Variants in SNX29 observed in about 807,000 individuals in gnomAD.
SNX29 encodes the protein sorting nexin 29.
A neutral mutation model predicts 102.1 loss-of-function variants in SNX29; 78 were observed. The ratio of observed to expected loss-of-function variants is 0.76; its 90% CI spans 0.64 to 0.92. The LOEUF is 0.92. Among genes scored for constraint, SNX29 ranks in the 40% least tolerant of loss-of-function variants. The pLI is 0.00. For missense variants in SNX29, 1,280 were observed against 1,061.7 expected (o/e 1.21, Z -2.86); for synonymous variants, 580 against 414.5 (o/e 1.40, Z -4.85).
chr16:12,339,704 AAGC>A (rs2151250964), intron 15 of SNX29, among the ~76,000 whole-genome samples: 1 of 152,356 alleles, frequency 6.6e-6, no homozygotes, highest in Non-Finnish European at 1.5e-5. Flanking sequence ...TAGCAGCTCC[AAGC>A]TTATGTCCTA....
chr16:12,527,146 C>G, intron 20 of SNX29: 2 of 515,182 alleles, frequency 3.9e-6, no homozygotes, highest in Non-Finnish European at 3.8e-6. Context: ...CCACAGCCCC[C>G]TTCTCCTTCT....
intron 20 of SNX29, among the ~76,000 whole-genome samples, chr16:12,555,064 G>T (rs1397840919): frequency 6.6e-6 from 1 of 152,026 alleles, no homozygotes; most frequent in East Asian, 1.9e-4. Context: ...GCTGGTTGGA[G>T]TTGTGGGGAG....
At chr16:12,339,915 C>A (rs972764025) in intron 15 of SNX29, among the ~76,000 whole-genome samples, 1 of 152,108 alleles carries the variant, frequency 6.6e-6, no homozygotes, top group Non-Finnish European at 1.5e-5. Context: ...TGGTCAGCTT[C>A]CCCAGATCAC....
intron 13 of SNX29, among the ~76,000 whole-genome samples, chr16:12,160,024 C>G (rs921251911): frequency 2.0e-5 from 3 of 152,174 alleles, no homozygotes; most frequent in Non-Finnish European, 4.4e-5. Context: ...AGTCCCTTTC[C>G]AAAAGCGCAG....
intron 11 of SNX29, 136 bp from the exon 12 acceptor site, chr16:12,126,497 T>C (rs1596986445): frequency 1.2e-6 from 1 of 843,422 alleles, no homozygotes; most frequent in East Asian, 2.7e-5. Flanking sequence ...TAGACTGTTA[T>C]AGGAGTTATT....
chr16:12,548,751 C>G (rs746511154), intron 20 of SNX29, among the ~76,000 whole-genome samples: 1 of 152,170 alleles, frequency 6.6e-6, no homozygotes, highest in Non-Finnish European at 1.5e-5. Context: ...GTTTTCTGTG[C>G]TGAGCTCATC....
At chr16:12,136,541 G>A (rs181485443) in intron 13 of SNX29, among the ~76,000 whole-genome samples, 102 of 152,240 alleles carry the variant, frequency 6.7e-4, no homozygotes, top group African/African-American at 2.4e-3. Context: ...AGCACTGTGG[G>A]ACCCAGGTCC....
At chr16:12,279,671 C>T (rs993743135) in intron 15 of SNX29, among the ~76,000 whole-genome samples, 8 of 152,210 alleles carry the variant, frequency 5.3e-5, no homozygotes, top group African/African-American at 1.9e-4. Flanking sequence ...AGGATTCGAA[C>T]CCCTGAAAGG....
chr16:12,567,074 C>A (rs370250859), intron 20 of SNX29, among the ~76,000 whole-genome samples: 1 of 152,226 alleles, frequency 6.6e-6, no homozygotes, highest in Admixed American at 6.5e-5. Context: ...GGGAACCCTG[C>A]AGGGATCCTC....
At chr16:12,266,171 C>T (rs375803248) in intron 14 of SNX29, among the ~76,000 whole-genome samples, 12 of 152,204 alleles carry the variant, frequency 7.9e-5, no homozygotes, top group Admixed American at 1.3e-4. Flanking sequence ...GCGATCCTCC[C>T]GCCTCAGCCT....
chr16:12,413,787 C>T (rs796452067), intron 18 of SNX29, among the ~76,000 whole-genome samples: 1 of 152,298 alleles, frequency 6.6e-6, no homozygotes, highest in African/African-American at 2.4e-5. Flanking sequence ...CTTTGAGAGC[C>T]GCCTTGCTGA....
At chr16:12,081,879 A>G (rs891157983) in intron 11 of SNX29, 4 of 152,756 alleles carry the variant, frequency 2.6e-5, no homozygotes, top group African/African-American at 9.7e-5. Context: ...GGTCCTATGC[A>G]AAGGCAAGAA....
At chr16:12,396,753 T>C (rs1003097358) in intron 16 of SNX29, among the ~76,000 whole-genome samples, 1 of 152,132 alleles carries the variant, frequency 6.6e-6, no homozygotes, top group Non-Finnish European at 1.5e-5. Flanking sequence ...GTGAAATGCA[T>C]GGAGTGGGAT....
intron 18 of SNX29, among the ~76,000 whole-genome samples, chr16:12,449,085 A>T (rs550521309): frequency 1.2e-4 from 18 of 152,156 alleles, no homozygotes; most frequent in East Asian, 9.7e-4. Flanking sequence ...GGGGATAGAG[A>T]GATGAGACAT....
At chr16:12,064,861 A>G (rs1055162698) in intron 9 of SNX29, among the ~76,000 whole-genome samples, 5 of 152,234 alleles carry the variant, frequency 3.3e-5, no homozygotes, top group South Asian at 4.1e-4. Context: ...TTCCTTCCTT[A>G]GAGATATTCT....
chr16:12,531,982 A>G (rs1313339724), intron 20 of SNX29, among the ~76,000 whole-genome samples: 1 of 152,180 alleles, frequency 6.6e-6, no homozygotes, highest in Non-Finnish European at 1.5e-5. Flanking sequence ...TAGCAATCAC[A>G]GTTTGGAGGA....
intron 11 of SNX29, among the ~76,000 whole-genome samples, chr16:12,104,576 A>C (rs1448954471): frequency 1.4e-5 from 2 of 138,080 alleles, no homozygotes; most frequent in Admixed American, 7.1e-5. Context: ...ACAAATAAAC[A>C]AAAAAAAAAA....
At chr16:12,042,090 G>A (rs1277279815) in intron 4 of SNX29, among the ~76,000 whole-genome samples, 1 of 152,136 alleles carries the variant, frequency 6.6e-6, no homozygotes, top group Non-Finnish European at 1.5e-5. Context: ...GAGTGCAGTG[G>A]TGCAATCTCA....
intron 14 of SNX29, among the ~76,000 whole-genome samples, chr16:12,214,944 G>A (rs527757199): frequency 1.3e-5 from 2 of 152,352 alleles, no homozygotes; most frequent in East Asian, 3.8e-4. Flanking sequence ...AAGGTCATGA[G>A]AGTAGGGACT....
Sources: allele counts gnomAD v4.1 joint callset (sites outside exome capture counted in the v4.1 genomes callset), GRCh38; gene constraint gnomAD v4.1.1; transcripts MANE v1.5; gene names NCBI Gene and HGNC (gene_info 2026-07-23, HGNC 2026-07-21).